Variants in RNGTT observed in about 807,000 individuals in gnomAD.
The protein encoded by RNGTT is mRNA-capping enzyme.
In RNGTT, 33 loss-of-function variants were observed where a neutral mutation model predicts 79.3. That is an observed-to-expected ratio of 0.42 (90% CI 0.32 to 0.56). RNGTT has a LOEUF of 0.56. RNGTT is among the 20% of genes least tolerant of loss of function. The pLI is 0.17. For synonymous variants in RNGTT, 222 were observed against 235.9 expected (o/e 0.94, Z 0.54); for missense variants, 497 against 739.1 (o/e 0.67, Z 3.80).
At chr6:88,789,539 G>A (rs564250526) in intron 12 of RNGTT, among the ~76,000 whole-genome samples, 2 of 152,294 alleles carry the variant, frequency 1.3e-5, no homozygotes, top group South Asian at 2.1e-4. Flanking sequence ...CAGCCTGGGC[G>A]ACAAAGCAAG....
At chr6:88,645,745 A>C (rs1253158010) in intron 14 of RNGTT, among the ~76,000 whole-genome samples, 2 of 152,306 alleles carry the variant, frequency 1.3e-5, no homozygotes, top group Non-Finnish European at 2.9e-5. Flanking sequence ...CAAAAACAAG[A>C]AATGAGGAAA....
At chr6:88,795,358 C>T (rs939626937) in intron 12 of RNGTT, among the ~76,000 whole-genome samples, 2 of 152,084 alleles carry the variant, frequency 1.3e-5, no homozygotes, top group Non-Finnish European at 2.9e-5. Context: ...AGCATTTCAC[C>T]GTTACAGAAA....
chr6:88,791,848 T>C (rs1779432294), intron 12 of RNGTT, among the ~76,000 whole-genome samples: 1 of 151,584 alleles, frequency 6.6e-6, no homozygotes, highest in South Asian at 2.1e-4. Flanking sequence ...CCAGGATTTC[T>C]GTCACATCAA....
chr6:88,756,976 A>C (rs1248733903), intron 13 of RNGTT, among the ~76,000 whole-genome samples: 1 of 152,230 alleles, frequency 6.6e-6, no homozygotes, highest in Admixed American at 6.5e-5. Flanking sequence ...ATCACAAAAA[A>C]ACAAATTGTC....
At chr6:88,737,958 GTTT>G (rs1777340600) in intron 13 of RNGTT, among the ~76,000 whole-genome samples, 3 of 152,316 alleles carry the variant, frequency 2.0e-5, no homozygotes. Flanking sequence ...ACTTTTCAGT[GTTT>G]AAGTGTAGGC....
At chr6:88,689,110 T>A (rs986481450) in intron 13 of RNGTT, among the ~76,000 whole-genome samples, 1 of 152,134 alleles carries the variant, frequency 6.6e-6, no homozygotes, top group African/African-American at 2.4e-5. Flanking sequence ...AGGGAGTCAG[T>A]GCCCTTGCAT....
At chr6:88,797,693 G>T (rs1164483642) in intron 12 of RNGTT, among the ~76,000 whole-genome samples, 1 of 151,822 alleles carries the variant, frequency 6.6e-6, no homozygotes, top group Non-Finnish European at 1.5e-5. Context: ...AAATACAATT[G>T]TATACTATTT....
chr6:88,696,380 G>T (rs1289070743), intron 13 of RNGTT, among the ~76,000 whole-genome samples: 1 of 152,102 alleles, frequency 6.6e-6, no homozygotes, highest in Non-Finnish European at 1.5e-5. Context: ...GTTGAAAAGT[G>T]AATTTTAACA....
intron 10 of RNGTT, among the ~76,000 whole-genome samples, chr6:88,848,625 A>G (rs1781565832): frequency 7.0e-6 from 1 of 142,520 alleles, no homozygotes; most frequent in South Asian, 2.1e-4. Flanking sequence ...TAACATTTAT[A>G]TAACACCAGA....
chr6:88,890,603 G>A lies in RNGTT; in HGVS notation c.795-7C>T, dbSNP rs1161580701. On this transcript the variant is annotated splice_region_variant and splice_polypyrimidine_tract_variant and intron_variant, in intron 7 of 15. Coordinates refer to ENST00000369485, the MANE Select transcript of RNGTT (RefSeq NM_003800.5). The stretch of plus-strand genomic sequence containing the variant: ...TGCTCCAGGGAATCCAGACCTTAAA[G>A]AAGAACACAGTATTACTATCGTGGC... 1 of 1,593,916 alleles carries A rather than the reference G, an allele frequency of 6.3e-7. No individual in the cohort carries two copies. Among genetic ancestry groups the A allele is most frequent in the Admixed American group, 1.7e-5 (1 of 59,518 alleles).
At chr6:88,698,211 A>AATAT (rs1461348506) in intron 13 of RNGTT, among the ~76,000 whole-genome samples, 1 of 105,650 alleles carries the variant, frequency 9.5e-6, no homozygotes, top group African/African-American at 5.2e-5. Context: ...ATATATATGA[A>AATAT]ATATATATAT....
rs1248314594 is a variant in RNGTT, at chr6:88,930,153, C to CATACATATATACATATACATATATGTAT, written c.175-914_175-887dup. 4.0e-3 allele frequency among the ~76,000 whole-genome samples: 560 copies of CATACATATATACATATACATATATGTAT among 141,318 alleles called. 3 individuals are homozygous for CATACATATATACATATACATATATGTAT. Among genetic ancestry groups the CATACATATATACATATACATATATGTAT allele is most frequent in the Middle Eastern group, 7.8e-3 (2 of 258 alleles). The allele number at this position is 141,318 out of a possible 152,430, so 92.7% of individuals were successfully genotyped here. On this transcript the variant is annotated intron_variant, in intron 2 of 15. Transcript: ENST00000369485. ...GTATACATACATATACATATACGTA[C>CATACATATATACATATACATATATGTAT]ATACATATATACATATACATATATG...
At chr6:88,652,970 C>A (rs1166469629) in intron 14 of RNGTT, among the ~76,000 whole-genome samples, 1 of 152,126 alleles carries the variant, frequency 6.6e-6, no homozygotes, top group Non-Finnish European at 1.5e-5. Context: ...AAGTAAAATG[C>A]ATAACTTCTA....
At chr6:88,772,742 G>C (rs1217380283) in intron 12 of RNGTT, among the ~76,000 whole-genome samples, 2 of 151,976 alleles carry the variant, frequency 1.3e-5, no homozygotes, top group African/African-American at 4.8e-5. Context: ...CTGGCCATCA[G>C]AGAAATGCAA....
chr6:88,732,949 T>C (rs1283116540), intron 13 of RNGTT, among the ~76,000 whole-genome samples: 1 of 152,206 alleles, frequency 6.6e-6, no homozygotes, highest in Non-Finnish European at 1.5e-5. Context: ...AGATACTAAA[T>C]TTTACAGTTT....
intron 8 of RNGTT, among the ~76,000 whole-genome samples, chr6:88,886,740 A>T (rs1055074305): frequency 4.6e-5 from 7 of 152,194 alleles, no homozygotes; most frequent in Admixed American, 2.6e-4. Flanking sequence ...CTTTCATTTC[A>T]TCTGTTTCTG....
intron 11 of RNGTT, among the ~76,000 whole-genome samples, chr6:88,834,959 A>C (rs1344863936): frequency 6.6e-6 from 1 of 152,170 alleles, no homozygotes; most frequent in Non-Finnish European, 1.5e-5. Context: ...TAAATGTAGT[A>C]AAAGAATAAC....
chr6:88,796,513 A>G (rs1051696676), intron 12 of RNGTT, among the ~76,000 whole-genome samples: 4 of 152,246 alleles, frequency 2.6e-5, no homozygotes, highest in African/African-American at 9.6e-5. Flanking sequence ...AGACAAAGTG[A>G]TGAGCCACTT....
At chr6:88,847,658 T>C (rs1781528938) in intron 10 of RNGTT, among the ~76,000 whole-genome samples, 1 of 152,070 alleles carries the variant, frequency 6.6e-6, no homozygotes, top group Non-Finnish European at 1.5e-5. Context: ...AAACAATTAT[T>C]GACCTAAGGA....
Sources: allele counts gnomAD v4.1 joint callset (sites outside exome capture counted in the v4.1 genomes callset), GRCh38; gene constraint gnomAD v4.1.1; transcripts MANE v1.5; gene names NCBI Gene and HGNC (gene_info 2026-07-23, HGNC 2026-07-21).